The following GABRB3 variants were observed in gnomAD, a reference collection of about 807,000 sequenced individuals.
The protein encoded by GABRB3 is gamma-aminobutyric acid type A receptor subunit beta3, also known as gamma-aminobutyric acid receptor subunit beta-3.
GABRB3 carries 14 observed loss-of-function variants against 52.1 expected under a neutral mutation model. The observed-to-expected ratio is 0.27, with a 90% CI of 0.18 to 0.42. GABRB3 has a LOEUF of 0.42. Among genes scored for constraint, GABRB3 ranks in the 10% least tolerant of loss-of-function variants. GABRB3 has a pLI of 1.00. For missense variants in GABRB3, 307 were observed against 609.1 expected (o/e 0.50, Z 5.22); for synonymous variants, 260 against 232.3 (o/e 1.12, Z -1.08).
chr15:26,705,770 A>C (rs1032611714), intron 3 of GABRB3, among the ~76,000 whole-genome samples: 6 of 152,316 alleles, frequency 3.9e-5, no homozygotes, highest in African/African-American at 1.2e-4. Flanking sequence ...GGGTAGATGA[A>C]TATGTTCATT....
At chr15:26,748,122 C>T (rs1358523841) in intron 3 of GABRB3, among the ~76,000 whole-genome samples, 1 of 151,812 alleles carries the variant, frequency 6.6e-6, no homozygotes, top group Non-Finnish European at 1.5e-5. Flanking sequence ...TTTGATTTGC[C>T]CATATTTTGT....
intron 3 of GABRB3, among the ~76,000 whole-genome samples, chr15:26,686,898 A>G (rs1260711658): frequency 1.3e-5 from 2 of 152,292 alleles, no homozygotes; most frequent in Admixed American, 1.3e-4. Context: ...TGGAAGTTCT[A>G]GTATCAATAG....
chr15:26,749,018 C>A (rs1210963438), intron 3 of GABRB3, among the ~76,000 whole-genome samples: 1 of 151,618 alleles, frequency 6.6e-6, no homozygotes, highest in South Asian at 2.1e-4. Context: ...GAATGAGACT[C>A]CATCTCAAAA....
intron 3 of GABRB3, among the ~76,000 whole-genome samples, chr15:26,674,388 G>A (rs1301435916): frequency 6.6e-5 from 6 of 91,064 alleles, no homozygotes; most frequent in African/African-American, 1.6e-4. Flanking sequence ...GTGACAGAGC[G>A]AGACTCAGTT....
At chr15:26,685,219 C>G (rs534842946) in intron 3 of GABRB3, among the ~76,000 whole-genome samples, 1 of 152,314 alleles carries the variant, frequency 6.6e-6, no homozygotes, top group South Asian at 2.1e-4. Flanking sequence ...GCATTCACAA[C>G]CCTCTCAGAT....
chr15:26,701,593 A>G (rs1363032963), intron 3 of GABRB3, among the ~76,000 whole-genome samples: 1 of 152,204 alleles, frequency 6.6e-6, no homozygotes, highest in African/African-American at 2.4e-5. Context: ...GCAGACCTAA[A>G]TAAATGGAGA....
Position 26,698,870 on chromosome 15 carries a change from T to C in GABRB3, c.240+73532A>G, listed in dbSNP as rs181520610. ...AAGAAAGCCGATATAGTAAATCTAA[T>C]TCATCAACTAAAACAATGACAAAAA... On this transcript the variant is annotated intron_variant, in intron 3 of 8. Transcript: ENST00000311550. 1.2e-4 allele frequency among the ~76,000 whole-genome samples: 18 copies of C among 152,342 alleles called. No homozygotes were observed. The South Asian group carries it at 1.2e-3, about 11-fold the overall frequency.
intron 3 of GABRB3, among the ~76,000 whole-genome samples, chr15:26,751,426 A>G (rs1211999084): frequency 1.3e-5 from 2 of 152,214 alleles, no homozygotes; most frequent in East Asian, 3.9e-4. Context: ...AACACAGCCC[A>G]GCAGTAATAA....
chr15:26,737,570 T>G (rs1376185553), intron 3 of GABRB3, among the ~76,000 whole-genome samples: 2 of 152,126 alleles, frequency 1.3e-5, no homozygotes, highest in African/African-American at 2.4e-5. Context: ...CCAAAAGAAC[T>G]TCCTGTAATC....
intron 4 of GABRB3, among the ~76,000 whole-genome samples, chr15:26,584,600 T>A (rs1374294516): frequency 6.6e-6 from 1 of 152,200 alleles, no homozygotes. Flanking sequence ...TGGAAATAAT[T>A]ACTTCCCAAA....
At chr15:26,723,778 T>C (rs1031896030) in intron 3 of GABRB3, among the ~76,000 whole-genome samples, 7 of 152,170 alleles carry the variant, frequency 4.6e-5, no homozygotes, top group African/African-American at 1.2e-4. Flanking sequence ...GCCTACCACA[T>C]TTCTCTCTGA....
chr15:26,547,144 G>C lies in GABRB3; in HGVS notation c.*649C>G, dbSNP rs1338268231. On this transcript the variant is annotated 3_prime_UTR_variant, in exon 9 of 9. Transcript: ENST00000311550. ...CAACGTGGGATCTATCTATGTTTCA[G>C]ACAACAGGTAAGCACACTGCCAGTG... 1.1e-5 allele frequency: 2 copies of C among 177,534 alleles called. No homozygotes were observed. The highest frequency in any genetic ancestry group is 4.7e-5 in the African/African-American group (2 of 42,562). The allele number at this position is 177,534 out of a possible 1,614,324, so 11.0% of individuals were successfully genotyped here.
At chr15:26,764,169 AAAAAAAAAAAATATATATATATATATAT>A (rs1259036859) in intron 3 of GABRB3, among the ~76,000 whole-genome samples, 251 of 24,656 alleles carry the variant, frequency 0.01, 25 homozygotes, top group Non-Finnish European at 0.016. Flanking sequence ...AAAAAAAAAA[AAAAAAAAAAAATATATATATATATATAT>A]ATATATATAT....
rs1033146326 is a variant in GABRB3 at position 26,663,603 on chromosome 15, G to C, written c.241-42069C>G. Among the ~76,000 whole-genome samples the C allele has an allele frequency of 3.9e-5, 6 of 152,126 alleles. No homozygotes were observed. In the East Asian group the frequency reaches 7.7e-4, roughly 20 times the overall value. ...TCAACTTACCTGTGCTGTCATGTTT[G>C]ATGTGAGTTTATCGGAAAGCATGCA... is the stretch of plus-strand genomic sequence containing the variant. On this transcript the variant is annotated intron_variant, in intron 3 of 8. Coordinates refer to ENST00000311550, the MANE Select transcript of GABRB3 (RefSeq NM_000814.6).
rs145042678 is a variant in GABRB3 at position 26,694,267 on chromosome 15, C to T, written c.241-72733G>A. On this transcript the variant is annotated intron_variant, in intron 3 of 8. Transcript: ENST00000311550. ...AATCTATTCTTCTTCTCTCACTTAA[C>T]GGGGAGAAAAAGAGCTGAGAAGCAC... Among the ~76,000 whole-genome samples, 1,136 of 152,226 alleles carry T rather than the reference C, an allele frequency of 7.5e-3. 40 individuals are homozygous for T. Among genetic ancestry groups the T allele is most frequent in the Admixed American group, 0.054 (829 of 15,294 alleles).
intron 3 of GABRB3, among the ~76,000 whole-genome samples, chr15:26,636,893 G>C (rs1893075582): frequency 6.6e-6 from 1 of 152,234 alleles, no homozygotes; most frequent in South Asian, 2.1e-4. Flanking sequence ...TATCACCACT[G>C]TTTCTACCAC....
At chr15:26,638,994 T>C (rs1326973874) in intron 3 of GABRB3, among the ~76,000 whole-genome samples, 2 of 152,108 alleles carry the variant, frequency 1.3e-5, no homozygotes, top group Non-Finnish European at 2.9e-5. Context: ...AATATGGTCT[T>C]GCTGCAAACC....
intron 3 of GABRB3, among the ~76,000 whole-genome samples, chr15:26,699,394 G>A (rs1888852880): frequency 6.6e-6 from 1 of 151,808 alleles, no homozygotes; most frequent in South Asian, 2.1e-4. Context: ...TACTCAGCAA[G>A]TTAAAATTCA....
chr15:26,686,623 C>A (rs892290685), intron 3 of GABRB3, among the ~76,000 whole-genome samples: 2 of 152,072 alleles, frequency 1.3e-5, no homozygotes, highest in Non-Finnish European at 1.5e-5. Flanking sequence ...GGAAATATAC[C>A]CCAGATCAAA....
Sources: allele counts gnomAD v4.1 joint callset (sites outside exome capture counted in the v4.1 genomes callset), GRCh38; gene constraint gnomAD v4.1.1; transcripts MANE v1.5; gene names NCBI Gene and HGNC (gene_info 2026-07-23, HGNC 2026-07-21).